GALNT16: variants seen among roughly 807,000 people sequenced by gnomAD.
GALNT16 encodes UDP-GalNAc:polypeptide N-acetylgalactosaminyltransferase-like protein 1.
GALNT16 carries 40 observed loss-of-function variants against 76.1 expected under a neutral mutation model. The ratio of observed to expected loss-of-function variants is 0.53; its 90% CI spans 0.41 to 0.68. The LOEUF (loss-of-function observed/expected upper bound fraction) is 0.68, where lower values mean the gene tolerates loss of function less well. Ranked by LOEUF, GALNT16 falls within the 30% of genes least tolerant of loss-of-function variation. GALNT16 has a pLI of 0.00. For synonymous variants in GALNT16, 276 were observed against 285.2 expected (o/e 0.97, Z 0.32); for missense variants, 621 against 731.9 (o/e 0.85, Z 1.75).
chr14:69,281,084 T>C (rs1033614870), intron 1 of GALNT16, among the ~76,000 whole-genome samples: 4 of 149,924 alleles, frequency 2.7e-5, no homozygotes, highest in Admixed American at 1.3e-4. Flanking sequence ...TACAGATTGC[T>C]TTTCCTTAGC....
At chr14:69,310,948 A>G (rs1157557090) in intron 1 of GALNT16, among the ~76,000 whole-genome samples, 2 of 152,212 alleles carry the variant, frequency 1.3e-5, no homozygotes, top group Admixed American at 6.5e-5. Context: ...AAATAGTATT[A>G]TCCCTCTTTC....
intron 5 of GALNT16, among the ~76,000 whole-genome samples, chr14:69,327,978 G>A (rs770117469): frequency 1.6e-4 from 25 of 152,156 alleles, no homozygotes; most frequent in Non-Finnish European, 3.1e-4. Flanking sequence ...GGCTCAGAGC[G>A]GTTAAATAAC....
intron 1 of GALNT16, among the ~76,000 whole-genome samples, chr14:69,307,266 C>A (rs1035838487): frequency 6.6e-6 from 1 of 152,196 alleles, no homozygotes; most frequent in Non-Finnish European, 1.5e-5. Flanking sequence ...CACACTTTTT[C>A]ACGTGACAAA....
chr14:69,385,473 TTA>T, the GALNT16 span, among the ~76,000 whole-genome samples: 5 of 152,158 alleles, frequency 3.3e-5, no homozygotes, highest in East Asian at 9.7e-4. Flanking sequence ...CCTCCCTTTT[TTA>T]TGATTGAACT....
chr14:69,304,943 T>G (rs1406494717), intron 1 of GALNT16, among the ~76,000 whole-genome samples: 1 of 152,184 alleles, frequency 6.6e-6, no homozygotes, highest in African/African-American at 2.4e-5. Flanking sequence ...AGTGCTAATA[T>G]CCCTTCAAAG....
intron 1 of GALNT16, among the ~76,000 whole-genome samples, chr14:69,290,051 T>C (rs2044670233): frequency 6.6e-6 from 1 of 152,212 alleles, no homozygotes; most frequent in Non-Finnish European, 1.5e-5. Context: ...TTCTGAGTTA[T>C]TTTTGTTAAT....
chr14:69,307,872 G>T (rs757955172), intron 1 of GALNT16, among the ~76,000 whole-genome samples: 8 of 152,296 alleles, frequency 5.3e-5, no homozygotes, highest in East Asian at 1.9e-4. Context: ...GTGAGGAAAG[G>T]CTTGGCTTCT....
intron 2 of GALNT16, 132 bp downstream of exon 2, chr14:69,321,000 C>A: frequency 1.1e-6 from 1 of 935,048 alleles, no homozygotes; most frequent in Admixed American, 2.6e-5. Flanking sequence ...TTTAGACATT[C>A]AAAAACCCTC....
intron 1 of GALNT16, among the ~76,000 whole-genome samples, chr14:69,318,893 T>C (rs948582289): frequency 1.3e-5 from 2 of 152,226 alleles, no homozygotes; most frequent in Non-Finnish European, 2.9e-5. Flanking sequence ...CCTTTCAGAG[T>C]TGGATGGCTT....
intron 12 of GALNT16, among the ~76,000 whole-genome samples, chr14:69,343,872 G>A (rs2045526714): frequency 6.6e-6 from 1 of 152,226 alleles, no homozygotes; most frequent in Non-Finnish European, 1.5e-5. Flanking sequence ...CAGGAGAGTA[G>A]ATGAACCAGC....
At chr14:69,351,988 T>C (rs370105309) in intron 14 of GALNT16, 43 bp from the exon 15 acceptor site, 55 of 1,553,164 alleles carry the variant, frequency 3.5e-5, no homozygotes, top group Non-Finnish European at 4.5e-5. Flanking sequence ...TTTTAAATCA[T>C]TGTTTTCTCC....
intron 1 of GALNT16, among the ~76,000 whole-genome samples, chr14:69,306,582 CA>C (rs1272631221): frequency 6.6e-6 from 1 of 152,178 alleles, no homozygotes; most frequent in Non-Finnish European, 1.5e-5. Flanking sequence ...AGATTATTTT[CA>C]AATTTTCATT....
the GALNT16 span, among the ~76,000 whole-genome samples, chr14:69,375,006 T>G: frequency 1.3e-5 from 2 of 152,362 alleles, no homozygotes; most frequent in South Asian, 4.1e-4. Context: ...TTATTAGGCC[T>G]TACTTCCAAC....
At chr14:69,263,111 C>T (rs971188425) in intron 1 of GALNT16, among the ~76,000 whole-genome samples, 5 of 152,144 alleles carry the variant, frequency 3.3e-5, no homozygotes, top group African/African-American at 1.2e-4. Flanking sequence ...AACTCCTGAC[C>T]TCATGTGATC....
At chr14:69,348,428 G>C (rs2045594274) in intron 14 of GALNT16, 1 of 285,252 alleles carries the variant, frequency 3.5e-6, no homozygotes, top group Admixed American at 4.8e-5. Flanking sequence ...GTAAGCTGAG[G>C]CTCGCTGAAT....
At chr14:69,283,792 T>C (rs866143880) in intron 1 of GALNT16, among the ~76,000 whole-genome samples, 2 of 152,200 alleles carry the variant, frequency 1.3e-5, no homozygotes, top group Admixed American at 6.5e-5. Context: ...TTCCTTTTGT[T>C]TGTATTACTG....
chr14:69,289,802 G>A (rs1427649073), intron 1 of GALNT16, among the ~76,000 whole-genome samples: 6 of 152,060 alleles, frequency 3.9e-5, no homozygotes, highest in South Asian at 2.1e-4. Context: ...GCTGTGGCGC[G>A]GTCTCACTGC....
intron 12 of GALNT16, among the ~76,000 whole-genome samples, chr14:69,342,646 A>T (rs867344497): frequency 1.3e-5 from 2 of 152,220 alleles, no homozygotes; most frequent in Admixed American, 6.5e-5. Flanking sequence ...AACTGTGAAG[A>T]AAACACAGGG....
chr14:69,378,731 G>C, the GALNT16 span, among the ~76,000 whole-genome samples: 1 of 152,088 alleles, frequency 6.6e-6, no homozygotes, highest in Non-Finnish European at 1.5e-5. Flanking sequence ...CCCAACACCA[G>C]AAATGGTACT....
Sources: allele counts gnomAD v4.1 joint callset (sites outside exome capture counted in the v4.1 genomes callset), GRCh38; gene constraint gnomAD v4.1.1; transcripts MANE v1.5; gene names NCBI Gene and HGNC (gene_info 2026-07-23, HGNC 2026-07-21).